PTK7: variants seen among roughly 807,000 people sequenced by gnomAD.
PTK7 encodes the protein inactive tyrosine-protein kinase 7.
Under a neutral mutation model 116.6 loss-of-function variants are expected in PTK7, and 39 were observed. The ratio of observed to expected loss-of-function variants is 0.33; its 90% CI spans 0.26 to 0.44. PTK7 has a LOEUF of 0.44. Ranked by LOEUF, PTK7 falls within the 20% of genes least tolerant of loss-of-function variation. PTK7 has a pLI of 1.00. For missense variants in PTK7, 1,169 were observed against 1,425.6 expected (o/e 0.82, Z 2.90); for synonymous variants, 546 against 563.6 (o/e 0.97, Z 0.44).
intron 1 of PTK7, among the ~76,000 whole-genome samples, chr6:43,108,769 T>C (rs1345816828): frequency 6.6e-6 from 1 of 152,226 alleles, no homozygotes; most frequent in East Asian, 1.9e-4. Flanking sequence ...TTTTGTTTTT[T>C]CTTTATGTGT....
At position 43,138,905 on chromosome 6, in the gene PTK7, G is replaced by A. The variant is rs1770210563; in HGVS notation, c.1285G>A (p.Gly429Ser). 2 of 1,614,036 alleles carry A rather than the reference G, an allele frequency of 1.2e-6. No individual in the cohort carries two copies. Among genetic ancestry groups the A allele is most frequent in the South Asian group, 1.1e-5 (1 of 91,082 alleles). Residue 429 changes from glycine (G) to serine (S), a missense_variant, in exon 8 of 20, where the codon GGC becomes AGC. Gly to Ser is a moderately conservative substitution (Grantham distance 56). Around this residue, in one of 3 missense-constraint regions of PTK7, gnomAD observed 678 missense variants for 853.8 expected, o/e 0.79. Transcript: ENST00000230419. ...CAGCCAGCTGGAGGAGGGCAAACCC[G>A]GCTACTTGGATTGCCTGACCCAGGC... Reference protein sequence around the residue: ...QDSQLEEGKPGYLDCLTQATP... With the variant: ...QDSQLEEGKPSYLDCLTQATP...
intron 10 of PTK7, among the ~76,000 whole-genome samples, chr6:43,140,452 CAA>C (rs58975715): frequency 1.2e-4 from 12 of 101,610 alleles, no homozygotes; most frequent in Non-Finnish European, 1.3e-4. Context: ...GACTCCATCT[CAA>C]AAAAAAAAAA....
rs1333513755 is a variant in PTK7 at position 43,132,193 on chromosome 6, T to A, written c.961+29T>A. The A allele has an allele frequency of 3.2e-6, 5 of 1,574,842 alleles. No homozygotes were observed. The African/African-American group carries it at 6.8e-5, about 21-fold the overall frequency. Reference sequence around the variant, plus strand: ...AGTCTCTGGGTCTGGGGTGCTGATGTGGGAGGCTGCCTTTAACATTTTTGG... The same window carrying A: ...AGTCTCTGGGTCTGGGGTGCTGATGAGGGAGGCTGCCTTTAACATTTTTGG... On this transcript the variant is annotated intron_variant, in intron 6 of 19. Transcript: ENST00000230419.
chr6:43,125,145 C>T (rs1235740762), intron 1 of PTK7, among the ~76,000 whole-genome samples: 1 of 152,066 alleles, frequency 6.6e-6, no homozygotes, highest in Admixed American at 6.5e-5. Context: ...GCATTCCAGC[C>T]TGGGCAACAA....
intron 1 of PTK7, among the ~76,000 whole-genome samples, chr6:43,116,022 C>T (rs1768495491): frequency 6.6e-6 from 1 of 151,786 alleles, no homozygotes; most frequent in Non-Finnish European, 1.5e-5. Context: ...GTACCCTTGC[C>T]CCTCCAAGCT....
chr6:43,141,661 C>G lies in PTK7; in HGVS notation c.1619-7C>G. 3 of 1,613,374 alleles carry G rather than the reference C, an allele frequency of 1.9e-6. 1 individual carries two copies. Among genetic ancestry groups the G allele is most frequent in the Non-Finnish European group, 2.5e-6 (3 of 1,179,462 alleles). ...CTTCCCATAATTTCCCTTTGTTACC[C>G]CTGCAGATGGGAGCAGCCTCCCAGA... On this transcript the variant is annotated splice_polypyrimidine_tract_variant and splice_region_variant and intron_variant, in intron 10 of 19. Coordinates refer to ENST00000230419, the MANE Select transcript of PTK7 (RefSeq NM_002821.5). This position sits in a 1 kb window ranked among gnomAD's most constrained non-coding sequence, Gnocchi z 4.9.
Position 43,129,484 on chromosome 6 carries a change from G to T in PTK7, c.367+220G>T, listed in dbSNP as rs1004751052. On this transcript the variant is annotated intron_variant, in intron 2 of 19. Coordinates refer to ENST00000230419, the MANE Select transcript of PTK7 (RefSeq NM_002821.5). This position sits in a 1 kb window ranked among gnomAD's most constrained non-coding sequence, Gnocchi z 4.5. ...CAAGTCTGGGACCCATTTATCTGCT[G>T]CATGCTTGTGCAAATGGAAAGGGCG... 9.4e-6 allele frequency: 7 copies of T among 742,670 alleles called. No homozygotes were observed. The highest frequency in any genetic ancestry group is 2.9e-5 in the Admixed American group (1 of 33,968). The allele number at this position is 742,670 out of a possible 1,614,324, so 46.0% of individuals were successfully genotyped here. A position where few individuals can be genotyped will look rare whatever the true frequency, so the allele number is the denominator to read the frequency against.
At chr6:43,108,035 G>A (rs1175466262) in intron 1 of PTK7, among the ~76,000 whole-genome samples, 2 of 152,062 alleles carry the variant, frequency 1.3e-5, no homozygotes, top group South Asian at 4.1e-4. Context: ...TCAGTTGGTG[G>A]CACATTGTTA....
At chr6:43,134,988 G>C (rs1451743357) in intron 7 of PTK7, among the ~76,000 whole-genome samples, 1 of 151,640 alleles carries the variant, frequency 6.6e-6, no homozygotes, top group Non-Finnish European at 1.5e-5. Flanking sequence ...TTGAAAAAAA[G>C]AAAAAAAATG....
intron 17 of PTK7, among the ~76,000 whole-genome samples, chr6:43,152,823 T>C (rs1019338145): frequency 7.2e-5 from 11 of 151,878 alleles, no homozygotes; most frequent in African/African-American, 2.7e-4. Context: ...TCTTACCCTG[T>C]CGACCAGGCT....
At chr6:43,146,732 G>C in intron 17 of PTK7, 34 bp downstream of exon 17, 1 of 1,588,930 alleles carries the variant, frequency 6.3e-7, no homozygotes, top group Non-Finnish European at 8.6e-7. Context: ...GAGGGAGAGG[G>C]TGCCCAGGGG....
chr6:43,082,102 T>C (rs1766411300), intron 1 of PTK7, among the ~76,000 whole-genome samples: 1 of 152,172 alleles, frequency 6.6e-6, no homozygotes, highest in East Asian at 1.9e-4. Flanking sequence ...ATAACTGTGC[T>C]ACTTGAAGAA....
At chr6:43,116,651 T>TGTGCGTGCGCGC (rs1323606377) in intron 1 of PTK7, among the ~76,000 whole-genome samples, 1 of 77,214 alleles carries the variant, frequency 1.3e-5, no homozygotes, top group African/African-American at 6.5e-5. Context: ...TGTGTGTGTG[T>TGTGCGTGCGCGC]GCGCGCGCAC....
intron 1 of PTK7, among the ~76,000 whole-genome samples, chr6:43,097,389 G>C (rs1370067058): frequency 2.6e-4 from 40 of 152,136 alleles, no homozygotes; most frequent in Admixed American, 2.6e-3. Context: ...ACCTGTCTTT[G>C]TCCTTGTGCT....
chr6:43,112,482 G>T (rs1052647654), intron 1 of PTK7, among the ~76,000 whole-genome samples: 2 of 151,830 alleles, frequency 1.3e-5, no homozygotes, highest in African/African-American at 2.4e-5. Flanking sequence ...CAGGGCCCGG[G>T]TCTCACATTG....
intron 17 of PTK7, among the ~76,000 whole-genome samples, chr6:43,156,187 C>T (rs1338586567): frequency 7.5e-6 from 1 of 133,348 alleles, no homozygotes; most frequent in East Asian, 2.2e-4. Context: ...TGAGGTCATG[C>T]CACTGTACTC....
intron 18 of PTK7, 104 bp from the exon 19 acceptor site, chr6:43,159,684 G>C (rs769193892): frequency 1.7e-6 from 2 of 1,209,680 alleles, no homozygotes; most frequent in Non-Finnish European, 1.2e-6. Context: ...ATGTAGAAAG[G>C]CTGGGCCCCC....
chr6:43,137,511 G>A (rs948761417), intron 7 of PTK7, among the ~76,000 whole-genome samples: 1 of 152,212 alleles, frequency 6.6e-6, no homozygotes, highest in African/African-American at 2.4e-5. Flanking sequence ...TTTAGCACAC[G>A]TAAAGTTTGA....
In PTK7 at chr6:43,132,046, T is replaced by C. The variant is rs1226731946; in HGVS notation, c.843T>C (p.Phe281=). The C allele has an allele frequency of 6.2e-7, 1 of 1,613,986 alleles. No homozygotes were observed. The highest frequency in any genetic ancestry group is 8.5e-7 in the Non-Finnish European group (1 of 1,180,036). Residue 281 remains phenylalanine, a synonymous_variant, in exon 6 of 20, where the codon TTT becomes TTC. Coordinates refer to ENST00000230419, the MANE Select transcript of PTK7 (RefSeq NM_002821.5). ...RPPHLRRATV[F]ANGSLLLTQV... ...CACACCTCCGCAGAGCCACAGTGTT[T>C]GCCAACGGGTCTCTGCTGCTGACCC...
Sources: allele counts gnomAD v4.1 joint callset (sites outside exome capture counted in the v4.1 genomes callset), GRCh38; gene constraint gnomAD v4.1.1; regional missense constraint gnomAD v4.1.1; non-coding constraint Gnocchi (gnomAD v3.1); transcripts MANE v1.5; gene names NCBI Gene and HGNC (gene_info 2026-07-23, HGNC 2026-07-21).